The following SLC36A1 variants were observed in gnomAD, a reference collection of about 807,000 sequenced individuals.
SLC36A1 encodes the protein solute carrier family 36 member 1.
A neutral mutation model predicts 47.5 loss-of-function variants in SLC36A1; 30 were observed. That is an observed-to-expected ratio of 0.63 (90% CI 0.47 to 0.86). SLC36A1 has a LOEUF of 0.86. Among genes scored for constraint, SLC36A1 ranks in the 40% least tolerant of loss-of-function variants. The pLI, the probability that SLC36A1 is intolerant of heterozygous loss-of-function variation, is 0.00. For missense variants in SLC36A1, 517 were observed against 606.0 expected, an observed-to-expected ratio of 0.85 and a Z score of 1.54; for synonymous variants, 255 against 249.7, an observed-to-expected ratio of 1.02 and a Z score of -0.20.
the SLC36A1 span, chr5:151,553,491 G>T: frequency 2.1e-6 from 2 of 973,048 alleles, no homozygotes; most frequent in Non-Finnish European, 3.2e-6. Context: ...GACCAAGCAG[G>T]CCTCTCATCC....
intron 9 of SLC36A1, among the ~76,000 whole-genome samples, chr5:151,478,509 C>T (rs1758376277): frequency 6.6e-6 from 1 of 152,116 alleles, no homozygotes; most frequent in Non-Finnish European, 1.5e-5. Context: ...CCTCTTGGTC[C>T]TGCAGTGTCT....
downstream of SLC36A1, among the ~76,000 whole-genome samples, chr5:151,494,319 G>A (rs1457781983): frequency 6.6e-6 from 1 of 152,154 alleles, no homozygotes; most frequent in African/African-American, 2.4e-5. Context: ...TAATTTACAT[G>A]TAATTAAATT....
At chr5:151,480,246 C>A in intron 10 of SLC36A1, 1 of 462,696 alleles carries the variant, frequency 2.2e-6, no homozygotes, top group Non-Finnish European at 3.7e-6. Context: ...AATTCAAATG[C>A]TTAAAAGCAT....
At chr5:151,523,369 T>C in the SLC36A1 span, among the ~76,000 whole-genome samples, 1 of 152,194 alleles carries the variant, frequency 6.6e-6, no homozygotes, top group African/African-American at 2.4e-5. Flanking sequence ...ATTATCCTAG[T>C]TTATCCTTCT....
At chr5:151,429,277 C>A in the SLC36A1 span, among the ~76,000 whole-genome samples, 5 of 150,940 alleles carry the variant, frequency 3.3e-5, no homozygotes, top group East Asian at 9.7e-4. Context: ...ATACATGTGC[C>A]ATGTTGGTGT....
the SLC36A1 span, among the ~76,000 whole-genome samples, chr5:151,349,279 G>A: frequency 5.3e-5 from 8 of 152,184 alleles, no homozygotes; most frequent in South Asian, 2.1e-4. Flanking sequence ...TGGAATATCA[G>A]TGTTTGGCCA....
chr5:151,398,966 C>T, the SLC36A1 span, among the ~76,000 whole-genome samples: 1 of 151,082 alleles, frequency 6.6e-6, no homozygotes, highest in African/African-American at 2.4e-5. Context: ...TGCTTTTTGC[C>T]AGTTCCCCAA....
chr5:151,431,727 G>C, the SLC36A1 span, among the ~76,000 whole-genome samples: 1 of 152,168 alleles, frequency 6.6e-6, no homozygotes, highest in Non-Finnish European at 1.5e-5. Context: ...CGCCATGACT[G>C]TGGGGCCTTC....
chr5:151,433,003 G>A (rs1759457502), upstream of SLC36A1, among the ~76,000 whole-genome samples: 1 of 151,654 alleles, frequency 6.6e-6, no homozygotes, highest in East Asian at 1.9e-4. Flanking sequence ...TAAAGAAATG[G>A]TGAGATAATA....
At chr5:151,408,214 A>AG in the SLC36A1 span, among the ~76,000 whole-genome samples, 1 of 152,042 alleles carries the variant, frequency 6.6e-6, no homozygotes, top group Non-Finnish European at 1.5e-5. Context: ...TTTGAGACGG[A>AG]GTCTCACTCT....
the SLC36A1 span, among the ~76,000 whole-genome samples, chr5:151,421,202 TTCCTTCC>T: frequency 6.7e-6 from 1 of 148,662 alleles, no homozygotes; most frequent in Non-Finnish European, 1.5e-5. Context: ...CCTTCCTTCC[TTCCTTCC>T]TTCCTTCCTC....
the SLC36A1 span, chr5:151,549,503 G>A: frequency 6.8e-6 from 11 of 1,613,992 alleles, no homozygotes; most frequent in Non-Finnish European, 7.6e-6. Context: ...CCTGGTCTCG[G>A]ACCTATGGGC....
the SLC36A1 span, chr5:151,381,274 A>G: frequency 4.0e-6 from 1 of 248,202 alleles, no homozygotes. Context: ...CCTTCTCCTC[A>G]GCCCCTGAGC....
the SLC36A1 span, among the ~76,000 whole-genome samples, chr5:151,382,603 G>T: frequency 6.6e-6 from 1 of 152,206 alleles, no homozygotes; most frequent in Admixed American, 6.5e-5. Context: ...TTCTGCCCTG[G>T]TGTGTAACCA....
At chr5:151,439,526 G>A (rs1383882384) in intron 1 of SLC36A1, among the ~76,000 whole-genome samples, 1 of 151,966 alleles carries the variant, frequency 6.6e-6, no homozygotes, top group Non-Finnish European at 1.5e-5. Flanking sequence ...GGTGGTGTGT[G>A]CCTGTAGGTC....
chr5:151,358,660 C>T, the SLC36A1 span, among the ~76,000 whole-genome samples: 4 of 152,132 alleles, frequency 2.6e-5, no homozygotes, highest in East Asian at 3.8e-4. Context: ...GCACGACAAC[C>T]GCCTGGGAAG....
the SLC36A1 span, chr5:151,522,052 A>G: frequency 0.74 from 1,177,886 of 1,599,826 alleles, 436,665 homozygotes; most frequent in East Asian, 0.95. Flanking sequence ...GACAGACGTC[A>G]AAGACGAGAG....
chr5:151,350,585 T>C, the SLC36A1 span, among the ~76,000 whole-genome samples: 1 of 152,178 alleles, frequency 6.6e-6, no homozygotes, highest in African/African-American at 2.4e-5. Context: ...CTGATATAGA[T>C]GGGCAAATTC....
the SLC36A1 span, chr5:151,542,553 G>A: frequency 1.2e-6 from 2 of 1,614,186 alleles, no homozygotes; most frequent in African/African-American, 2.7e-5. Context: ...CCTGGAGTGT[G>A]GTGATCCAAC....
Sources: allele counts gnomAD v4.1 joint callset (sites outside exome capture counted in the v4.1 genomes callset), GRCh38; gene constraint gnomAD v4.1.1; transcripts MANE v1.5; gene names NCBI Gene and HGNC (gene_info 2026-07-23, HGNC 2026-07-21).